Variants in DLG2 observed in about 807,000 individuals in gnomAD.
DLG2 encodes the protein discs large MAGUK scaffold protein 2, also known as disks large homolog 2.
In DLG2, 45 loss-of-function variants were observed where a neutral mutation model predicts 132.5. That is an observed-to-expected ratio of 0.34 (90% CI 0.27 to 0.44). The LOEUF is 0.44. Among genes scored for constraint, DLG2 ranks in the 20% least tolerant of loss-of-function variants. The probability of loss-of-function intolerance (pLI) is 1.00; values close to 1 mark genes in which losing one functional copy is unlikely to be tolerated. For synonymous variants in DLG2, 424 were observed against 419.6 expected, an observed-to-expected ratio of 1.01 and a Z score of -0.13; for missense variants, 1,045 against 1,196.9, an observed-to-expected ratio of 0.87 and a Z score of 1.87.
chr11:83,935,877 A>G (rs965215464), intron 14 of DLG2, among the ~76,000 whole-genome samples: 3 of 152,204 alleles, frequency 2.0e-5, no homozygotes, highest in African/African-American at 4.8e-5. Flanking sequence ...GTATGACCTT[A>G]TGCTATTTCT....
chr11:85,589,725 A>G (rs2079190960), intron 3 of DLG2, among the ~76,000 whole-genome samples: 1 of 152,096 alleles, frequency 6.6e-6, no homozygotes, highest in Admixed American at 6.5e-5. Context: ...GTCTCCAGGC[A>G]GCCTGCACAT....
intron 9 of DLG2, among the ~76,000 whole-genome samples, chr11:84,161,728 A>T (rs1437086743): frequency 6.6e-6 from 1 of 152,196 alleles, no homozygotes; most frequent in Non-Finnish European, 1.5e-5. Context: ...CACGGGCATG[A>T]GACCTGTTCA....
chr11:83,791,001 C>T, intron 17 of DLG2: 1 of 793,896 alleles, frequency 1.3e-6, no homozygotes, highest in Non-Finnish European at 2.1e-6. Context: ...AGAAGCCGAG[C>T]TTTTCAGTGA....
At chr11:85,448,813 C>T (rs2092119789) in intron 3 of DLG2, among the ~76,000 whole-genome samples, 1 of 152,120 alleles carries the variant, frequency 6.6e-6, no homozygotes, top group South Asian at 2.1e-4. Context: ...AAAGCATTTA[C>T]ACATAGCCTT....
intron 18 of DLG2, among the ~76,000 whole-genome samples, chr11:83,723,638 C>T (rs1273975635): frequency 2.0e-5 from 3 of 151,878 alleles, no homozygotes; most frequent in Admixed American, 6.6e-5. Context: ...GTGGATCACC[C>T]GAGGTCAGGA....
chr11:84,670,263 T>A (rs1263733485), intron 6 of DLG2, among the ~76,000 whole-genome samples: 1 of 152,128 alleles, frequency 6.6e-6, no homozygotes, highest in Non-Finnish European at 1.5e-5. Context: ...TCAGAGAGGT[T>A]TGTGAACTCT....
At chr11:84,680,820 T>C (rs1275616112) in intron 6 of DLG2, among the ~76,000 whole-genome samples, 1 of 152,230 alleles carries the variant, frequency 6.6e-6, no homozygotes, top group Non-Finnish European at 1.5e-5. Flanking sequence ...AGTTGTCTTC[T>C]AGCAGTTTTA....
chr11:85,112,319 CT>C (rs1227177411), intron 5 of DLG2, among the ~76,000 whole-genome samples: 4 of 152,030 alleles, frequency 2.6e-5, no homozygotes, highest in Non-Finnish European at 5.9e-5. Context: ...TTTCCAGGCA[CT>C]TCTTTATACA....
intron 22 of DLG2, chr11:83,483,240 C>G (rs763822176): frequency 1.2e-6 from 2 of 1,611,062 alleles, no homozygotes; most frequent in Non-Finnish European, 1.7e-6. Flanking sequence ...AGTGACCATT[C>G]CTGGAAACTT....
intron 6 of DLG2, among the ~76,000 whole-genome samples, chr11:84,917,338 C>G (rs1345253689): frequency 6.6e-6 from 1 of 152,120 alleles, no homozygotes; most frequent in African/African-American, 2.4e-5. Flanking sequence ...TTATTGTTTA[C>G]TTAATTCCTT....
intron 3 of DLG2, among the ~76,000 whole-genome samples, chr11:85,350,466 G>A (rs900842896): frequency 3.3e-5 from 5 of 152,156 alleles, no homozygotes; most frequent in African/African-American, 1.2e-4. Flanking sequence ...TGGTGTTTTA[G>A]TCATGAAGTC....
chr11:84,357,002 C>T (rs991468668), intron 7 of DLG2, among the ~76,000 whole-genome samples: 4 of 151,720 alleles, frequency 2.6e-5, no homozygotes, highest in Non-Finnish European at 5.9e-5. Flanking sequence ...GAGAGTTGCA[C>T]GATGAGAAAT....
intron 7 of DLG2, among the ~76,000 whole-genome samples, chr11:84,255,139 A>T (rs1389261124): frequency 6.6e-6 from 1 of 152,136 alleles, no homozygotes; most frequent in South Asian, 2.1e-4. Flanking sequence ...CCAGTTGGTA[A>T]TTCCAAATCT....
At chr11:83,709,600 G>A (rs562127871) in intron 18 of DLG2, among the ~76,000 whole-genome samples, 2 of 152,218 alleles carry the variant, frequency 1.3e-5, no homozygotes, top group East Asian at 3.9e-4. Context: ...TGAGTGGCAA[G>A]TAAGAAGTTT....
intron 3 of DLG2, among the ~76,000 whole-genome samples, chr11:85,347,652 G>C (rs2082942900): frequency 6.6e-6 from 1 of 151,922 alleles, no homozygotes; most frequent in Admixed American, 6.6e-5. Flanking sequence ...TAATTAATCT[G>C]TATGCCTTTT....
At position 85,190,160 on chromosome 11, in the gene DLG2, A is replaced by G. The variant is rs150395558; in HGVS notation, c.187-35509T>C. ...GTAATCAGTATAGAAAATTTCACAAAAAGAATTGAGTTGATTTAATAGAAT... is the reference window on the plus strand; with the variant it reads ...GTAATCAGTATAGAAAATTTCACAAGAAGAATTGAGTTGATTTAATAGAAT... On this transcript the variant is annotated intron_variant, in intron 4 of 27. Transcript: ENST00000376104. Among the ~76,000 whole-genome samples the G allele has an allele frequency of 4.7e-3, 714 of 152,294 alleles. 6 individuals are homozygous for G. Among genetic ancestry groups the G allele is most frequent in the African/African-American group, 0.016 (655 of 41,572 alleles).
intron 19 of DLG2, among the ~76,000 whole-genome samples, chr11:83,630,338 TGC>T (rs2063347150): frequency 6.6e-6 from 1 of 152,036 alleles, no homozygotes; most frequent in Admixed American, 6.6e-5. Context: ...CTTGTGAGCA[TGC>T]GTGTGTGTGT....
chr11:85,386,581 C>T (rs898562241), intron 3 of DLG2, among the ~76,000 whole-genome samples: 6 of 151,668 alleles, frequency 4.0e-5, no homozygotes, highest in African/African-American at 1.5e-4. Context: ...AGGTACATGA[C>T]AAATAGATTT....
chr11:84,179,680 T>C (rs2096066559), intron 8 of DLG2, among the ~76,000 whole-genome samples: 1 of 152,156 alleles, frequency 6.6e-6, no homozygotes, highest in Non-Finnish European at 1.5e-5. Flanking sequence ...GTTAGAGCAT[T>C]CAGTGCTTCT....
Sources: gnomAD v4.1 joint callset for allele counts (sites outside exome capture counted in the v4.1 genomes callset) on GRCh38, gnomAD v4.1.1 for gene constraint, MANE v1.5 for transcripts, NCBI Gene and HGNC (gene_info 2026-07-23, HGNC 2026-07-21) for gene names.